Variants in FAM227B observed in about 807,000 individuals in gnomAD.
FAM227B encodes protein FAM227B.
In FAM227B, 88 loss-of-function variants were observed where a neutral mutation model predicts 73.8. That is an observed-to-expected ratio of 1.19 (90% CI 1.00 to 1.42). The LOEUF (loss-of-function observed/expected upper bound fraction) is 1.42. FAM227B is among the 40% of genes most tolerant of loss of function. FAM227B has a pLI of 0.00. For synonymous variants in FAM227B, 210 were observed against 190.5 expected, an observed-to-expected ratio of 1.10 and a Z score of -0.84; for missense variants, 632 against 590.9, an observed-to-expected ratio of 1.07 and a Z score of -0.72.
chr15:49,571,494 T>C (rs908572451), intron 8 of FAM227B, among the ~76,000 whole-genome samples: 2 of 151,942 alleles, frequency 1.3e-5, no homozygotes, highest in African/African-American at 2.4e-5. Context: ...AGATCTGATA[T>C]TTAAGTCTTT....
chr15:49,532,982 T>A (rs2060722844), intron 10 of FAM227B, among the ~76,000 whole-genome samples: 1 of 152,000 alleles, frequency 6.6e-6, no homozygotes. Flanking sequence ...AAACTTTTTA[T>A]GTTTAAAACA....
chr15:49,498,482 T>C (rs2057822222), intron 11 of FAM227B, among the ~76,000 whole-genome samples: 1 of 152,200 alleles, frequency 6.6e-6, no homozygotes, highest in African/African-American at 2.4e-5. Flanking sequence ...AACTATTAAA[T>C]TAAAATTTGA....
chr15:49,347,025 A>T (rs2041604759), intron 13 of FAM227B, among the ~76,000 whole-genome samples: 1 of 152,266 alleles, frequency 6.6e-6, no homozygotes, highest in Non-Finnish European at 1.5e-5. Context: ...AGGAAATAAC[A>T]TCATTGTTGG....
At chr15:49,338,100 CT>C (rs1332988782) in intron 13 of FAM227B, among the ~76,000 whole-genome samples, 1 of 152,100 alleles carries the variant, frequency 6.6e-6, no homozygotes, top group Non-Finnish European at 1.5e-5. Context: ...ATTGTTGTGT[CT>C]TTTAATTGGG....
chr15:49,474,576 T>C (rs557296472), intron 11 of FAM227B, among the ~76,000 whole-genome samples: 96 of 152,088 alleles, frequency 6.3e-4, no homozygotes, highest in South Asian at 1.0e-3. Context: ...GTTTAATAAA[T>C]AATGTTGAAA....
Position 49,501,461 on chromosome 15 carries a change from G to C in FAM227B, c.1012+6750C>G, listed in dbSNP as rs80146174. Among the ~76,000 whole-genome samples, 657 of 152,348 alleles carry C rather than the reference G, an allele frequency of 4.3e-3. 10 individuals are homozygous for C. Among genetic ancestry groups the C allele is most frequent in the African/African-American group, 0.015 (627 of 41,570 alleles). On this transcript the variant is annotated intron_variant, in intron 11 of 15. Coordinates refer to ENST00000299338, the MANE Select transcript of FAM227B (RefSeq NM_152647.3). Reference sequence around the variant, plus strand: ...GATCTGTGAAAGCTTGAACTTCAGAGTGATAATTTAGGGTATCTGGTGGAA... The same window carrying C: ...GATCTGTGAAAGCTTGAACTTCAGACTGATAATTTAGGGTATCTGGTGGAA...
At chr15:49,396,214 C>T (rs1296376957) in intron 11 of FAM227B, 7 of 345,906 alleles carry the variant, frequency 2.0e-5, no homozygotes, top group East Asian at 1.7e-4. Flanking sequence ...GTTCCCTTTC[C>T]GAGTCAAAGA....
chr15:49,475,781 A>T (rs1481931832), intron 11 of FAM227B, among the ~76,000 whole-genome samples: 2 of 152,138 alleles, frequency 1.3e-5, no homozygotes, highest in African/African-American at 2.4e-5. Flanking sequence ...TGAGGTCAGG[A>T]GTTTGAGACC....
At chr15:49,569,918 T>C (rs987357657) in intron 8 of FAM227B, among the ~76,000 whole-genome samples, 7 of 152,028 alleles carry the variant, frequency 4.6e-5, no homozygotes, top group Admixed American at 1.3e-4. Flanking sequence ...CAAAATGTTC[T>C]CCAGGTTCAT....
intron 11 of FAM227B, among the ~76,000 whole-genome samples, chr15:49,472,656 A>G (rs1448318883): frequency 1.3e-5 from 2 of 152,230 alleles, no homozygotes; most frequent in Non-Finnish European, 2.9e-5. Flanking sequence ...AGGAATGAAC[A>G]TCACAATGAA....
intron 11 of FAM227B, among the ~76,000 whole-genome samples, chr15:49,473,360 T>C (rs972144439): frequency 6.6e-6 from 1 of 152,154 alleles, no homozygotes; most frequent in Non-Finnish European, 1.5e-5. Context: ...ATAAAGAACA[T>C]TGAGTTAAAT....
Position 49,466,223 on chromosome 15 carries a change from T to C in FAM227B, c.1012+41988A>G, listed in dbSNP as rs148094381. On this transcript the variant is annotated intron_variant, in intron 11 of 15. Transcript: ENST00000299338. ...CTCAGACCTGTTGGATCAGACTTTCTGAGGAACGGGAACTGGAAACCTGAA... is the reference window on the plus strand; with the variant it reads ...CTCAGACCTGTTGGATCAGACTTTCCGAGGAACGGGAACTGGAAACCTGAA... Among the ~76,000 whole-genome samples the C allele has an allele frequency of 3.1e-3, 478 of 152,332 alleles. 2 individuals are homozygous for C. Among genetic ancestry groups the C allele is most frequent in the Middle Eastern group, 0.024 (7 of 294 alleles).
intron 1 of FAM227B, chr15:49,620,063 TG>T (rs1020012854): frequency 3.3e-5 from 5 of 152,202 alleles, no homozygotes; most frequent in Non-Finnish European, 5.9e-5. Context: ...CCTCCACTAA[TG>T]GGTCCCACAC....
At position 49,360,475 on chromosome 15, in the gene FAM227B, T is replaced by G. The variant is rs138862527; in HGVS notation, c.1271+6973A>C. Among the ~76,000 whole-genome samples the G allele has an allele frequency of 6.4e-3, 971 of 152,326 alleles. 14 individuals carry two copies. Among genetic ancestry groups the G allele is most frequent in the African/African-American group, 0.022 (915 of 41,572 alleles). On this transcript the variant is annotated intron_variant, in intron 13 of 15. Transcript: ENST00000299338. ...TGAGTTTTCAATTTTTTAAATAATTTGCATTTTGCATGTTAAAAAAATTAT... is the reference window on the plus strand; with the variant it reads ...TGAGTTTTCAATTTTTTAAATAATTGGCATTTTGCATGTTAAAAAAATTAT...
intron 13 of FAM227B, among the ~76,000 whole-genome samples, chr15:49,351,629 T>C (rs775235225): frequency 6.6e-6 from 1 of 152,174 alleles, no homozygotes; most frequent in Non-Finnish European, 1.5e-5. Context: ...AAGACAAAGA[T>C]CAGCGTGTAG....
intron 8 of FAM227B, among the ~76,000 whole-genome samples, chr15:49,572,793 T>C (rs1254329101): frequency 6.6e-6 from 1 of 152,116 alleles, no homozygotes; most frequent in Admixed American, 6.6e-5. Flanking sequence ...TGAGCTGTAT[T>C]TGGGTTTTGT....
chr15:49,540,479 T>C (rs1039727286), intron 10 of FAM227B, among the ~76,000 whole-genome samples: 3 of 152,206 alleles, frequency 2.0e-5, no homozygotes, highest in African/African-American at 4.8e-5. Context: ...TTTTTGTTCA[T>C]GGGTAGCTGT....
chr15:49,588,190 A>T (rs1205563429), intron 4 of FAM227B, 107 bp from the exon 5 acceptor site: 3 of 637,298 alleles, frequency 4.7e-6, no homozygotes, highest in Non-Finnish European at 6.7e-6. Flanking sequence ...AAATTATTCA[A>T]TGAAATCAAT....
chr15:49,359,253 T>G (rs1452864266), intron 13 of FAM227B, among the ~76,000 whole-genome samples: 1 of 138,192 alleles, frequency 7.2e-6, no homozygotes, highest in Non-Finnish European at 1.6e-5. Flanking sequence ...CTAATTAAAC[T>G]AAAGAGCTTC....
Sources: allele counts gnomAD v4.1 joint callset (sites outside exome capture counted in the v4.1 genomes callset), GRCh38; gene constraint gnomAD v4.1.1; transcripts MANE v1.5; gene names NCBI Gene and HGNC (gene_info 2026-07-23, HGNC 2026-07-21).